The following DENND2B variants were observed in gnomAD, a reference collection of about 807,000 sequenced individuals.
The protein encoded by DENND2B is DENN domain containing 2B.
DENND2B carries 32 observed loss-of-function variants against 116.0 expected under a neutral mutation model. The ratio of observed to expected loss-of-function variants is 0.28; its 90% CI spans 0.21 to 0.37. DENND2B has a LOEUF of 0.37. Among genes scored for constraint, DENND2B ranks in the 10% least tolerant of loss-of-function variants. The pLI is 1.00. For synonymous variants in DENND2B, 588 were observed against 583.9 expected (o/e 1.01, Z -0.10); for missense variants, 1,276 against 1,477.7 (o/e 0.86, Z 2.24).
intron 3 of DENND2B, among the ~76,000 whole-genome samples, chr11:8,841,844 G>A (rs759015373): frequency 2.0e-5 from 3 of 151,996 alleles, no homozygotes; most frequent in Non-Finnish European, 2.9e-5. Flanking sequence ...CTCTCTCCTC[G>A]ATTCCTCTAT....
At chr11:8,771,111 T>A (rs2056769163) in intron 1 of DENND2B, among the ~76,000 whole-genome samples, 1 of 152,232 alleles carries the variant, frequency 6.6e-6, no homozygotes, top group South Asian at 2.1e-4. Context: ...TAGAGGCTTT[T>A]CCTCGAAAAC....
intron 8 of DENND2B, among the ~76,000 whole-genome samples, chr11:8,713,455 C>G (rs2044138464): frequency 6.6e-6 from 1 of 152,136 alleles, no homozygotes; most frequent in South Asian, 2.1e-4. Flanking sequence ...TCTCAGCTCA[C>G]TACAACCTCC....
At chr11:8,842,660 T>A (rs1299305207) in intron 3 of DENND2B, among the ~76,000 whole-genome samples, 1 of 152,178 alleles carries the variant, frequency 6.6e-6, no homozygotes, top group Admixed American at 6.5e-5. Flanking sequence ...AAAATTGTCA[T>A]AAATATTTTT....
At chr11:8,754,029 G>GCGCGCGCGCGCACACACACACA (rs146486674) in intron 1 of DENND2B, among the ~76,000 whole-genome samples, 71 of 138,830 alleles carry the variant, frequency 5.1e-4, no homozygotes, top group African/African-American at 1.9e-3. Context: ...CCAAAAGCGC[G>GCGCGCGCGCGCACACACACACA]CACACACACA....
rs1300085452 is a variant in DENND2B at position 8,726,167 on chromosome 11, C to T, written c.1383G>A (p.Leu461=). The stretch of plus-strand genomic sequence containing the variant: ...CATTCTCAGTGGGAGAAGAGGGGTA[C>T]AGGGACTGGAGACTGGATGCATCCT... ...EFEDASSLQS[L]YPSSPTENGT... The change falls in exon 4 of 20, where the codon CTG becomes CTA. Residue 461 remains leucine (L), a synonymous_variant. Transcript: ENST00000313726. The T allele has an allele frequency of 2.5e-6, 4 of 1,613,924 alleles. No individual in the cohort carries two copies. The highest frequency in any genetic ancestry group is 3.4e-6 in the Non-Finnish European group (4 of 1,179,938).
At chr11:8,759,467 C>T (rs960060357) in intron 1 of DENND2B, among the ~76,000 whole-genome samples, 1 of 152,048 alleles carries the variant, frequency 6.6e-6, no homozygotes, top group African/African-American at 2.4e-5. Flanking sequence ...TCAAGATGCC[C>T]GAAAATAGGA....
intron 1 of DENND2B, among the ~76,000 whole-genome samples, chr11:8,775,155 A>C (rs1163709464): frequency 1.3e-5 from 2 of 152,100 alleles, no homozygotes; most frequent in Non-Finnish European, 2.9e-5. Context: ...GGCTGAGATT[A>C]CAGACGTGGG....
chr11:8,830,709 G>A (rs1363530475), intron 4 of DENND2B: 1 of 152,180 alleles, frequency 6.6e-6, no homozygotes, highest in Non-Finnish European at 1.5e-5. Context: ...GTTCCTCCCT[G>A]CTTTCACCCA....
chr11:8,859,403 G>A (rs2063316756), intron 2 of DENND2B, among the ~76,000 whole-genome samples: 1 of 152,110 alleles, frequency 6.6e-6, no homozygotes, highest in African/African-American at 2.4e-5. Context: ...CGCCTCCCGG[G>A]TTCACGCCAT....
intron 1 of DENND2B, chr11:8,784,174 G>A (rs1397464849): frequency 2.0e-5 from 3 of 150,734 alleles, no homozygotes; most frequent in African/African-American, 7.3e-5. Flanking sequence ...AGAAGGCCAA[G>A]GAAACACCCT....
At chr11:8,701,639 TC>T (rs945080888) in intron 14 of DENND2B, among the ~76,000 whole-genome samples, 1 of 152,102 alleles carries the variant, frequency 6.6e-6, no homozygotes, top group Non-Finnish European at 1.5e-5. Flanking sequence ...ACCCTAGTGT[TC>T]CTGCACTCAT....
intron 2 of DENND2B, among the ~76,000 whole-genome samples, chr11:8,732,750 CCAAA>C (rs1827402901): frequency 1.3e-5 from 2 of 152,356 alleles, no homozygotes; most frequent in South Asian, 4.1e-4. Flanking sequence ...AGAATTCTTT[CCAAA>C]CAGTTTCAGT....
At chr11:8,895,221 G>A (rs560849508) in intron 1 of DENND2B, among the ~76,000 whole-genome samples, 2 of 152,208 alleles carry the variant, frequency 1.3e-5, no homozygotes, top group Non-Finnish European at 2.9e-5. Context: ...GACACAGGAA[G>A]GGGAACATCA....
chr11:8,850,391 A>G (rs1334961382), intron 3 of DENND2B, among the ~76,000 whole-genome samples: 2 of 152,192 alleles, frequency 1.3e-5, no homozygotes, highest in African/African-American at 4.8e-5. Context: ...AAGGACCTGA[A>G]CAGACGTTTT....
chr11:8,705,776 C>T (rs750469988), intron 13 of DENND2B, among the ~76,000 whole-genome samples: 14 of 152,204 alleles, frequency 9.2e-5, no homozygotes, highest in African/African-American at 1.7e-4. Context: ...TCCAATCAAA[C>T]GCAAAGTGCT....
At chr11:8,725,828 G>T (rs2046999436) in intron 4 of DENND2B, among the ~76,000 whole-genome samples, 1 of 152,198 alleles carries the variant, frequency 6.6e-6, no homozygotes, top group Non-Finnish European at 1.5e-5. Flanking sequence ...GAATGATGTT[G>T]TTTTCTCCTT....
intron 2 of DENND2B, among the ~76,000 whole-genome samples, chr11:8,734,679 C>G (rs1279242184): frequency 6.6e-6 from 1 of 151,050 alleles, no homozygotes; most frequent in East Asian, 1.9e-4. Flanking sequence ...ATTGCAGTGA[C>G]TCGGGAGGCT....
At chr11:8,859,377 G>A (rs1046036583) in intron 2 of DENND2B, among the ~76,000 whole-genome samples, 2 of 151,826 alleles carry the variant, frequency 1.3e-5, no homozygotes, top group East Asian at 1.9e-4. Context: ...GCGCGATCTC[G>A]GCTCACTGCA....
upstream of DENND2B, among the ~76,000 whole-genome samples, chr11:8,813,677 G>A (rs2061471983): frequency 6.6e-6 from 1 of 152,194 alleles, no homozygotes; most frequent in African/African-American, 2.4e-5. Context: ...TCAGGACTGA[G>A]TACTAGAACT....
Sources: gnomAD v4.1 joint callset for allele counts (sites outside exome capture counted in the v4.1 genomes callset) on GRCh38, gnomAD v4.1.1 for gene constraint, MANE v1.5 for transcripts, NCBI Gene and HGNC (gene_info 2026-07-23, HGNC 2026-07-21) for gene names.